Variants in SUGCT observed in about 807,000 individuals in gnomAD.
The protein encoded by SUGCT is succinyl-CoA:glutarate-CoA transferase.
In SUGCT, 41 loss-of-function variants were observed where a neutral mutation model predicts 55.0. The observed-to-expected ratio is 0.74, with a 90% CI of 0.58 to 0.97. The LOEUF (loss-of-function observed/expected upper bound fraction) is 0.97. Among genes scored for constraint, SUGCT ranks in the 50% least tolerant of loss-of-function variants. The pLI, the probability that SUGCT is intolerant of heterozygous loss-of-function variation, is 0.00. For synonymous variants in SUGCT, 187 were observed against 200.4 expected, an observed-to-expected ratio of 0.93 and a Z score of 0.56; for missense variants, 568 against 547.8, an observed-to-expected ratio of 1.04 and a Z score of -0.37.
At chr7:40,186,570 T>C (rs564135828) in intron 3 of SUGCT, among the ~76,000 whole-genome samples, 1 of 152,268 alleles carries the variant, frequency 6.6e-6, no homozygotes, top group African/African-American at 2.4e-5. Context: ...GGTTGTAGTT[T>C]TCTGATTTAC....
At chr7:40,412,345 A>G (rs1053119464) in intron 9 of SUGCT, among the ~76,000 whole-genome samples, 1 of 152,166 alleles carries the variant, frequency 6.6e-6, no homozygotes, top group Non-Finnish European at 1.5e-5. Context: ...TAGGAAGACA[A>G]ACTTTAACTA....
At chr7:40,988,489 G>A in the SUGCT span, among the ~76,000 whole-genome samples, 17 of 151,950 alleles carry the variant, frequency 1.1e-4, no homozygotes, top group South Asian at 3.5e-3. Flanking sequence ...AAACTACTGA[G>A]ATCATGCCAC....
intron 12 of SUGCT, among the ~76,000 whole-genome samples, chr7:40,592,335 G>A (rs1285704397): frequency 6.6e-6 from 1 of 152,104 alleles, no homozygotes; most frequent in Non-Finnish European, 1.5e-5. Context: ...GGTGACTGCT[G>A]CTCCTGGATT....
At chr7:40,149,253 G>A (rs1235957054) in intron 1 of SUGCT, among the ~76,000 whole-genome samples, 1 of 152,058 alleles carries the variant, frequency 6.6e-6, no homozygotes. Context: ...TCCTGAAACC[G>A]CCTTTGCAAA....
At chr7:40,274,420 C>G (rs1051442468) in intron 7 of SUGCT, 93 bp from the exon 8 acceptor site, 1 of 1,359,178 alleles carries the variant, frequency 7.4e-7, no homozygotes, top group Non-Finnish European at 1.0e-6. Context: ...ATAGACAATT[C>G]TTTTTTCTAT....
intron 12 of SUGCT, among the ~76,000 whole-genome samples, chr7:40,688,458 C>T (rs1395776545): frequency 6.6e-6 from 1 of 151,962 alleles, no homozygotes; most frequent in Non-Finnish European, 1.5e-5. Context: ...GCTAAGATAC[C>T]ATGTAATAGT....
the SUGCT span, among the ~76,000 whole-genome samples, chr7:41,006,095 C>T: frequency 3.3e-5 from 5 of 152,168 alleles, no homozygotes; most frequent in Non-Finnish European, 2.9e-5. Context: ...AAAATTTTGG[C>T]TCCAAAGCTT....
At chr7:40,821,170 A>G (rs182565535) in intron 13 of SUGCT, among the ~76,000 whole-genome samples, 1 of 152,254 alleles carries the variant, frequency 6.6e-6, no homozygotes, top group Non-Finnish European at 1.5e-5. Flanking sequence ...GTTTGCCAGT[A>G]TTTTATTGAG....
chr7:40,954,152 C>T, the SUGCT span, among the ~76,000 whole-genome samples: 18 of 152,320 alleles, frequency 1.2e-4, no homozygotes, highest in Middle Eastern at 3.4e-3. Context: ...TCAGCAATGG[C>T]GGGTGCCCCT....
chr7:40,381,734 A>G (rs1784883792), intron 9 of SUGCT, among the ~76,000 whole-genome samples: 1 of 152,124 alleles, frequency 6.6e-6, no homozygotes, highest in African/African-American at 2.4e-5. Context: ...TCATTGTACC[A>G]GAATCCTAGG....
intron 9 of SUGCT, among the ~76,000 whole-genome samples, chr7:40,363,219 C>T (rs1385221526): frequency 6.6e-6 from 1 of 151,450 alleles, no homozygotes; most frequent in Admixed American, 6.6e-5. Context: ...CTTTATTAGT[C>T]TTGCTAGCGG....
At chr7:40,574,090 C>T (rs1584022314) in intron 12 of SUGCT, among the ~76,000 whole-genome samples, 1 of 152,054 alleles carries the variant, frequency 6.6e-6, no homozygotes, top group Non-Finnish European at 1.5e-5. Context: ...ATCTGTGTGA[C>T]GAATTCCGCT....
At chr7:40,275,060 C>T (rs1792373961) in intron 8 of SUGCT, among the ~76,000 whole-genome samples, 1 of 152,104 alleles carries the variant, frequency 6.6e-6, no homozygotes, top group Non-Finnish European at 1.5e-5. Context: ...CTTGGCCTCC[C>T]AAAGTGCTGG....
chr7:40,459,773 A>G (rs1460216015), intron 11 of SUGCT, among the ~76,000 whole-genome samples: 1 of 152,210 alleles, frequency 6.6e-6, no homozygotes, highest in African/African-American at 2.4e-5. Flanking sequence ...ATTAATGTTA[A>G]TTAAGTAGAA....
the SUGCT span, among the ~76,000 whole-genome samples, chr7:40,930,852 T>C: frequency 6.6e-6 from 1 of 152,216 alleles, no homozygotes; most frequent in Non-Finnish European, 1.5e-5. Context: ...AAATATACAA[T>C]CATGTCACTT....
rs182429067 is a variant in SUGCT at position 40,835,512 on chromosome 7, G to A, written c.1154-24804G>A. ...AAGTTCTGCTAGTGCTCTCCTTCTGGCAATACCTACATTCCATTCTATGCC... is the reference window on the plus strand; with the variant it reads ...AAGTTCTGCTAGTGCTCTCCTTCTGACAATACCTACATTCCATTCTATGCC... On this transcript the variant is annotated intron_variant, in intron 13 of 13. Transcript: ENST00000335693. 2.4e-3 allele frequency among the ~76,000 whole-genome samples: 366 copies of A among 152,116 alleles called. 2 individuals carry two copies. The highest frequency in any genetic ancestry group is 4.2e-3 in the Non-Finnish European group (284 of 68,016).
chr7:40,463,453 C>T (rs942824962), intron 11 of SUGCT, among the ~76,000 whole-genome samples: 1 of 152,152 alleles, frequency 6.6e-6, no homozygotes, highest in Admixed American at 6.5e-5. Context: ...TTTTTGAGTA[C>T]TCCCCTCCCT....
At chr7:40,849,963 T>A (rs1793769267) in intron 13 of SUGCT, among the ~76,000 whole-genome samples, 1 of 152,106 alleles carries the variant, frequency 6.6e-6, no homozygotes, top group Non-Finnish European at 1.5e-5. Context: ...AGTCCGGGAC[T>A]TCCTACAAGG....
intron 10 of SUGCT, among the ~76,000 whole-genome samples, chr7:40,457,121 T>C (rs891403486): frequency 6.6e-6 from 1 of 152,060 alleles, no homozygotes; most frequent in African/African-American, 2.4e-5. Flanking sequence ...CTCCCTCCTT[T>C]CTTTTTTGTA....
Sources: allele counts gnomAD v4.1 joint callset (sites outside exome capture counted in the v4.1 genomes callset), GRCh38; gene constraint gnomAD v4.1.1; transcripts MANE v1.5; gene names NCBI Gene and HGNC (gene_info 2026-07-23, HGNC 2026-07-21).